The following RBM42 variants were observed in gnomAD, a reference collection of about 807,000 sequenced individuals.
RBM42 encodes RNA binding motif protein 42, also known as RNA-binding protein 42.
A neutral mutation model predicts 41.4 loss-of-function variants in RBM42; 21 were observed. That is an observed-to-expected ratio of 0.51 (90% confidence interval 0.36 to 0.73). The LOEUF (loss-of-function observed/expected upper bound fraction) is 0.73, where lower values mean the gene tolerates loss of function less well. Among genes scored for constraint, RBM42 ranks in the 30% least tolerant of loss-of-function variants. RBM42 has a pLI of 0.00. For synonymous variants in RBM42, 272 were observed against 271.2 expected (o/e 1.00, Z -0.03); for missense variants, 539 against 680.4 (o/e 0.79, Z 2.31).
chr19:35,634,246 TC>T lies in RBM42; in HGVS notation c.1018-8del. ...CCAACCCCTTTGCACCTCTCCCCTTTCCTCTGCAGGTCCCAGAGCCCCTGGG... is the reference window on the plus strand; with the variant it reads ...CCAACCCCTTTGCACCTCTCCCCTTTCTCTGCAGGTCCCAGAGCCCCTGGG... On this transcript the variant is annotated splice_polypyrimidine_tract_variant and intron_variant, in intron 7 of 9. Coordinates refer to ENST00000262633, the MANE Select transcript of RBM42 (RefSeq NM_024321.5). The T allele has an allele frequency of 1.2e-6, 2 of 1,613,108 alleles. No individual in the cohort carries two copies. The highest frequency in any genetic ancestry group is 2.7e-5 in the African/African-American group (2 of 75,016).
Position 35,637,271 on chromosome 19 carries a change from C to A in RBM42, c.1249C>A (p.Arg417Ser). 5 of 1,614,226 alleles carry A rather than the reference C, an allele frequency of 3.1e-6. No individual in the cohort carries two copies. Among genetic ancestry groups the A allele is most frequent in the Non-Finnish European group, 4.2e-6 (5 of 1,180,044 alleles). The stretch of plus-strand genomic sequence containing the variant: ...TAAGGCCAAGGTGATCCGTGACAAG[C>A]GCACAGGCAAGACCAAGGGCTACGG... Reference protein sequence around the residue: ...FLKAKVIRDKRTGKTKGYGFV... With the variant: ...FLKAKVIRDKSTGKTKGYGFV... Residue 417 changes from arginine to serine, a missense_variant, in exon 9 of 10, where the codon CGC (arginine) becomes AGC (serine). Coordinates refer to ENST00000262633, the MANE Select transcript of RBM42 (RefSeq NM_024321.5). The surrounding 1 kb of genome is among the most constrained non-coding windows in gnomAD (Gnocchi z 7.0).
chr19:35,636,690 G>A (rs1179441935), intron 8 of RBM42, among the ~76,000 whole-genome samples: 1 of 152,194 alleles, frequency 6.6e-6, no homozygotes, highest in Non-Finnish European at 1.5e-5. Context: ...CCATGTTCCT[G>A]AGGTGCCATG....
At position 35,637,180 on chromosome 19, in the gene RBM42, G is replaced by A; in HGVS notation, c.1158G>A (p.Gly386=). ...CAGATGACTTCCGGATCTTCTGTGG[G>A]GATCTGGGCAATGAGGTGAACGATG... The part of the protein sequence containing the change: ...WDADDFRIFC[G]DLGNEVNDDI... Residue 386 remains glycine (G), a synonymous_variant, in exon 9 of 10, where the codon GGG becomes GGA. Transcript: ENST00000262633. The surrounding 1 kb of genome is among the most constrained non-coding windows in gnomAD (Gnocchi z 7.0). 2 of 1,613,880 alleles carry A rather than the reference G, an allele frequency of 1.2e-6. No individual in the cohort carries two copies. The highest frequency in any genetic ancestry group is 1.7e-6 in the Non-Finnish European group (2 of 1,179,930).
intron 2 of RBM42, 43 bp from the exon 3 acceptor site, chr19:35,631,097 G>C (rs981520679): frequency 1.0e-5 from 16 of 1,556,852 alleles, no homozygotes; most frequent in Non-Finnish European, 1.4e-5. Context: ...CAGCAGATGG[G>C]AATGCTGAGT....
chr19:35,635,523 C>CTT lies in RBM42; in HGVS notation c.1135+1161_1135+1162dup, dbSNP rs11375946. Among the ~76,000 whole-genome samples the CTT allele has an allele frequency of 1.6e-3, 226 of 140,476 alleles. 1 individual carries two copies. The highest frequency in any genetic ancestry group is 8.8e-4 in the South Asian group (4 of 4,554). The allele number at this position is 140,476 out of a possible 152,430, so 92.2% of individuals were successfully genotyped here. A position where few individuals can be genotyped will look rare whatever the true frequency, so the allele number is the denominator to read the frequency against. On this transcript the variant is annotated intron_variant, in intron 8 of 9. Coordinates refer to ENST00000262633, the MANE Select transcript of RBM42 (RefSeq NM_024321.5). ...CCTTCAATTATATCTTTTTTTTTTT[C>CTT]TTTTTTTTTTTTGAAACGGAGTCTT...
intron 6 of RBM42, 114 bp downstream of exon 6, chr19:35,633,366 C>T: frequency 2.4e-6 from 2 of 843,718 alleles, no homozygotes; most frequent in Non-Finnish European, 3.7e-6. Flanking sequence ...TGTTTCTCTA[C>T]CTTCTCACTC....
At chr19:35,635,221 C>T (rs1776538223) in intron 8 of RBM42, among the ~76,000 whole-genome samples, 1 of 149,242 alleles carries the variant, frequency 6.7e-6, no homozygotes, top group Admixed American at 6.8e-5. Context: ...TTGGCTGAGA[C>T]AGGAGTATCG....
At position 35,633,157 on chromosome 19, in the gene RBM42, C is replaced by T; in HGVS notation, c.589C>T (p.Leu197=). The change falls in exon 6 of 10, where the codon CTG becomes TTG. Residue 197 remains leucine, a synonymous_variant. Transcript: ENST00000262633. ...TCACCAGGCCCTCGTGGGCCCCCCT[C>T]TGCCTGGGCCCCCTGGACCACCCAT... ...PPHQALVGPP[L]PGPPGPPMML... 1.3e-6 allele frequency: 2 copies of T among 1,589,054 alleles called. No homozygotes were observed. Among genetic ancestry groups the T allele is most frequent in the Non-Finnish European group, 1.7e-6 (2 of 1,157,530 alleles).
At position 35,631,415 on chromosome 19, in the gene RBM42, G is replaced by A. The variant is rs1165214315; in HGVS notation, c.442+10G>A. 1 of 1,613,646 alleles carries A rather than the reference G, an allele frequency of 6.2e-7. No homozygotes were observed. The highest frequency in any genetic ancestry group is 8.5e-7 in the Non-Finnish European group (1 of 1,179,680). The stretch of plus-strand genomic sequence containing the variant: ...TTCCTGCGGCGGGCAGGTGAGTCTG[G>A]GGCCAGGGACCCCCACATTTAATCA... On this transcript the variant is annotated intron_variant, in intron 4 of 9. Coordinates refer to ENST00000262633, the MANE Select transcript of RBM42 (RefSeq NM_024321.5).
In RBM42 at chr19:35,637,418, G is replaced by A; in HGVS notation, c.1331-24G>A. 6.2e-7 allele frequency: 1 copy of A among 1,613,700 alleles called. No individual in the cohort carries two copies. The highest frequency in any genetic ancestry group is 8.5e-7 in the Non-Finnish European group (1 of 1,179,730). On this transcript the variant is annotated intron_variant, in intron 9 of 9. Coordinates refer to ENST00000262633, the MANE Select transcript of RBM42 (RefSeq NM_024321.5). This position sits in a 1 kb window ranked among gnomAD's most constrained non-coding sequence, Gnocchi z 7.0. ...GCTGGCCTAAGCCTGACCCGAGCCT[G>A]CCTTGAACCCTCTGTCTCCACAGGG...
At chr19:35,633,332 G>C in intron 6 of RBM42, 80 bp downstream of exon 6, 1 of 1,133,120 alleles carries the variant, frequency 8.8e-7, no homozygotes. Flanking sequence ...GGCTATGTCT[G>C]AGTTGGCCTC....
At chr19:35,632,792 C>T in intron 4 of RBM42, 144 bp from the exon 5 acceptor site, 1 of 618,108 alleles carries the variant, frequency 1.6e-6, no homozygotes, top group Non-Finnish European at 2.9e-6. Context: ...GGAGAGGCCC[C>T]CACATCTCCA....
intron 8 of RBM42, among the ~76,000 whole-genome samples, chr19:35,636,220 G>A (rs1967497079): frequency 6.6e-6 from 1 of 150,650 alleles, no homozygotes; most frequent in Non-Finnish European, 1.5e-5. Flanking sequence ...GTGCAGTGGT[G>A]TAATCTTGGC....
At chr19:35,629,355 C>T in intron 1 of RBM42, 74 bp downstream of exon 1, 1 of 1,491,364 alleles carries the variant, frequency 6.7e-7, no homozygotes, top group African/African-American at 1.4e-5. Flanking sequence ...CTCCAGGCCT[C>T]GATAGGCCGG....
At position 35,637,625 on chromosome 19, in the gene RBM42, C is replaced by T. The variant is rs1599609741; in HGVS notation, c.*71C>T. 5.9e-6 allele frequency: 7 copies of T among 1,191,748 alleles called. No individual in the cohort carries two copies. The highest frequency in any genetic ancestry group is 3.9e-5 in the South Asian group (3 of 76,384). 73.8% of individuals were successfully genotyped at this position (1,191,748 alleles called of 1,614,324 possible). A position where few individuals can be genotyped will look rare whatever the true frequency, so the allele number is the denominator to read the frequency against. ...CTCCCTCAGTTCTCTTTGGAAAACCCCCAGCTGTCCACCCATCCCCTGCCC... is the reference window on the plus strand; with the variant it reads ...CTCCCTCAGTTCTCTTTGGAAAACCTCCAGCTGTCCACCCATCCCCTGCCC... On this transcript the variant is annotated 3_prime_UTR_variant, in exon 10 of 10. Coordinates refer to ENST00000262633, the MANE Select transcript of RBM42 (RefSeq NM_024321.5). The surrounding 1 kb of genome is among the most constrained non-coding windows in gnomAD (Gnocchi z 7.0).
chr19:35,629,380 C>A, intron 1 of RBM42, 99 bp downstream of exon 1: 1 of 1,517,960 alleles, frequency 6.6e-7, no homozygotes, highest in Non-Finnish European at 8.8e-7. Flanking sequence ...ACGGCTCTAA[C>A]ATGGGGAAGT....
At position 35,632,967 on chromosome 19, in the gene RBM42, T is replaced by C; in HGVS notation, c.474T>C (p.Arg158=). 1 of 1,607,986 alleles carries C rather than the reference T, an allele frequency of 6.2e-7. No homozygotes were observed. ...CCCCCCAGAGGGCCCCTATCCTGCGTCCAGCCTTCGTCCCCCACGTGCTAC... is the reference window on the plus strand; with the variant it reads ...CCCCCCAGAGGGCCCCTATCCTGCGCCCAGCCTTCGTCCCCCACGTGCTAC... ...AVAPQRAPIL[R]PAFVPHVLQR... Residue 158 remains arginine (R), a synonymous_variant, in exon 5 of 10, where the codon CGT becomes CGC. Transcript: ENST00000262633.
intron 1 of RBM42, 97 bp from the exon 2 acceptor site, chr19:35,629,423 G>A (rs376250099): frequency 4.3e-5 from 67 of 1,557,976 alleles, no homozygotes; most frequent in East Asian, 3.2e-4. Flanking sequence ...CGGGGATAGG[G>A]GAGAGGTTGG....
intron 2 of RBM42, 67 bp downstream of exon 2, chr19:35,629,740 C>G: frequency 3.9e-6 from 6 of 1,542,748 alleles, no homozygotes; most frequent in Non-Finnish European, 5.3e-6. Context: ...TGTTTGTGTA[C>G]AGAGAGCTGT....
Sources: gnomAD v4.1 joint callset for allele counts (sites outside exome capture counted in the v4.1 genomes callset) on GRCh38, gnomAD v4.1.1 for gene constraint, Gnocchi (gnomAD v3.1) non-coding constraint, MANE v1.5 for transcripts, NCBI Gene and HGNC (gene_info 2026-07-23, HGNC 2026-07-21) for gene names.